The following ITCH variants were observed in gnomAD, a reference collection of about 807,000 sequenced individuals.
ITCH encodes E3 ubiquitin-protein ligase Itchy homolog.
A neutral mutation model predicts 126.8 loss-of-function variants in ITCH; 28 were observed. That is an observed-to-expected ratio of 0.22 (90% CI 0.16 to 0.30). The LOEUF (loss-of-function observed/expected upper bound fraction) is 0.30. ITCH is among the 10% of genes least tolerant of loss of function. The probability of loss-of-function intolerance (pLI) is 1.00; values close to 1 mark genes in which losing one functional copy is unlikely to be tolerated. For synonymous variants in ITCH, 342 were observed against 340.0 expected, an observed-to-expected ratio of 1.01 and a Z score of -0.06; for missense variants, 631 against 1,032.4, an observed-to-expected ratio of 0.61 and a Z score of 5.33.
intron 17 of ITCH, among the ~76,000 whole-genome samples, chr20:34,478,360 T>G (rs536806193): frequency 4.9e-4 from 75 of 152,344 alleles, no homozygotes; most frequent in Non-Finnish European, 8.5e-4. Flanking sequence ...TATAGAAGGT[T>G]GTACAAAATA....
intron 14 of ITCH, among the ~76,000 whole-genome samples, chr20:34,468,053 G>A (rs1183793204): frequency 1.6e-5 from 1 of 63,062 alleles, no homozygotes; most frequent in South Asian, 5.2e-4. Context: ...TTTTTTTTTT[G>A]AGACGGAGTC....
At chr20:34,424,634 A>G in intron 7 of ITCH, 109 bp downstream of exon 7, 1 of 908,624 alleles carries the variant, frequency 1.1e-6, no homozygotes, top group Non-Finnish European at 1.8e-6. Context: ...GAGTGTCAGA[A>G]AGAATTCAGA....
intron 3 of ITCH, among the ~76,000 whole-genome samples, chr20:34,408,335 A>G (rs1316340626): frequency 6.6e-6 from 1 of 152,154 alleles, no homozygotes; most frequent in African/African-American, 2.4e-5. Flanking sequence ...CAGCCTCCCA[A>G]AGTTCTGGGA....
intron 11 of ITCH, among the ~76,000 whole-genome samples, chr20:34,445,741 A>C (rs1202472293): frequency 6.6e-6 from 1 of 152,206 alleles, no homozygotes; most frequent in Admixed American, 6.5e-5. Context: ...AAAGAGTAGT[A>C]AAAATAAACC....
At chr20:34,369,522 A>G (rs2037540521) in intron 2 of ITCH, 52 bp downstream of exon 2, 1 of 397,246 alleles carries the variant, frequency 2.5e-6, no homozygotes, top group Non-Finnish European at 4.4e-6. Flanking sequence ...TGCAGAGGCC[A>G]AGCTCTGGTC....
At chr20:34,389,524 A>G (rs771385016) in intron 2 of ITCH, among the ~76,000 whole-genome samples, 4 of 152,144 alleles carry the variant, frequency 2.6e-5, no homozygotes, top group Non-Finnish European at 4.4e-5. Context: ...GCTACAAAAG[A>G]GAAACACTTG....
At chr20:34,421,213 C>T (rs1259227584) in intron 6 of ITCH, among the ~76,000 whole-genome samples, 1 of 152,200 alleles carries the variant, frequency 6.6e-6, no homozygotes, top group Non-Finnish European at 1.5e-5. Context: ...CTCCTGGCCT[C>T]AAGCAGTCCT....
At chr20:34,471,346 G>GT in intron 15 of ITCH, 98 bp from the exon 16 acceptor site, 1 of 744,090 alleles carries the variant, frequency 1.3e-6, no homozygotes, top group East Asian at 2.6e-5. Context: ...ACTTGTTTCT[G>GT]TAAGGAAAGA....
chr20:34,381,513 G>T (rs964215521), intron 2 of ITCH, among the ~76,000 whole-genome samples: 3 of 151,448 alleles, frequency 2.0e-5, no homozygotes, highest in South Asian at 2.1e-4. Context: ...CGCAACCTCC[G>T]CCTCCTGGGT....
chr20:34,440,405 A>C (rs1983591874), intron 9 of ITCH, 61 bp downstream of exon 9: 2 of 1,202,178 alleles, frequency 1.7e-6, no homozygotes, highest in African/African-American at 1.5e-5. Context: ...CCTACTTATT[A>C]ATAAGGAAAA....
At chr20:34,502,779 G>A (rs1253834877) in intron 23 of ITCH, among the ~76,000 whole-genome samples, 1 of 151,984 alleles carries the variant, frequency 6.6e-6, no homozygotes, top group Admixed American at 6.6e-5. Context: ...AACACTTTGG[G>A]AGGCCAAGGT....
At chr20:34,499,131 T>C (rs1471075620) in intron 23 of ITCH, among the ~76,000 whole-genome samples, 2 of 151,816 alleles carry the variant, frequency 1.3e-5, no homozygotes, top group Non-Finnish European at 2.9e-5. Flanking sequence ...CCTGCCACCA[T>C]GCTCGGCTAA....
intron 19 of ITCH, 64 bp from the exon 20 acceptor site, chr20:34,481,002 A>G: frequency 6.5e-7 from 1 of 1,538,440 alleles, no homozygotes; most frequent in Non-Finnish European, 9.0e-7. Flanking sequence ...GCCTTTCGTT[A>G]AAAACTTATA....
intron 2 of ITCH, among the ~76,000 whole-genome samples, chr20:34,387,061 G>A (rs2146045584): frequency 6.6e-6 from 1 of 152,232 alleles, no homozygotes; most frequent in Non-Finnish European, 1.5e-5. Context: ...TCAGCACTTT[G>A]GGAGGCCGAG....
intron 20 of ITCH, among the ~76,000 whole-genome samples, chr20:34,488,048 T>C (rs1455908217): frequency 6.6e-6 from 1 of 152,244 alleles, no homozygotes; most frequent in Non-Finnish European, 1.5e-5. Flanking sequence ...TATAATACTT[T>C]GTTACTGTTA....
At chr20:34,426,473 A>G (rs1239380069) in intron 7 of ITCH, among the ~76,000 whole-genome samples, 2 of 150,090 alleles carry the variant, frequency 1.3e-5, no homozygotes, top group Admixed American at 1.3e-4. Flanking sequence ...TTAGATGGAG[A>G]TTCACTCTTT....
At chr20:34,495,875 G>C (rs1339025780) in intron 23 of ITCH, among the ~76,000 whole-genome samples, 1 of 136,932 alleles carries the variant, frequency 7.3e-6, no homozygotes, top group Non-Finnish European at 1.5e-5. Context: ...AGGAGTTTGA[G>C]ATCAGCCTGG....
intron 12 of ITCH, among the ~76,000 whole-genome samples, chr20:34,452,069 CAAA>C (rs765697780): frequency 1.5e-4 from 8 of 53,292 alleles, no homozygotes; most frequent in East Asian, 5.6e-4. Flanking sequence ...GACCCTGTCT[CAAA>C]AAAAAAAAAA....
intron 2 of ITCH, among the ~76,000 whole-genome samples, chr20:34,377,093 G>C (rs1183152992): frequency 1.3e-5 from 2 of 152,114 alleles, no homozygotes; most frequent in African/African-American, 4.8e-5. Context: ...GAAAAACCAG[G>C]CCAGGCATGG....
Sources: allele counts gnomAD v4.1 joint callset (sites outside exome capture counted in the v4.1 genomes callset), GRCh38; gene constraint gnomAD v4.1.1; transcripts MANE v1.5; gene names NCBI Gene and HGNC (gene_info 2026-07-23, HGNC 2026-07-21).